The following ABCC12 variants were observed in gnomAD, a reference collection of about 807,000 sequenced individuals.
ABCC12 encodes ATP binding cassette subfamily C member 12.
Under a neutral mutation model 151.1 loss-of-function variants are expected in ABCC12, and 142 were observed. That is an observed-to-expected ratio of 0.94 (90% CI 0.82 to 1.08). The LOEUF is 1.08. ABCC12 is among the 50% of genes least tolerant of loss of function. The pLI is 0.00. For synonymous variants in ABCC12, 645 were observed against 646.4 expected (o/e 1.00, Z 0.03); for missense variants, 1,638 against 1,691.1 (o/e 0.97, Z 0.55).
At chr16:48,126,010 C>A (rs912055542) in intron 11 of ABCC12, among the ~76,000 whole-genome samples, 8 of 152,214 alleles carry the variant, frequency 5.3e-5, no homozygotes, top group African/African-American at 1.9e-4. Flanking sequence ...GAGCACCTGA[C>A]TTCCCCCATG....
chr16:48,140,690 G>A lies in ABCC12; in HGVS notation c.654C>T (p.Gly218=), dbSNP rs143562550. ...AAACTCCTCTGAGCCAGCTTACCTCGCCAACAGAGATGTGGGTCAATGTCT... is the reference window on the plus strand; with the variant it reads ...AAACTCCTCTGAGCCAGCTTACCTCACCAACAGAGATGTGGGTCAATGTCT... The part of the protein sequence containing the change: ...SFKTLTHISV[G]EVLNILSSDS... Residue 218 remains glycine, a synonymous_variant, in exon 6 of 31, where the codon GGC becomes GGT. Transcript: ENST00000311303. 3.8e-5 allele frequency: 61 copies of A among 1,613,618 alleles called. No homozygotes were observed. The highest frequency in any genetic ancestry group is 1.6e-4 in the African/African-American group (12 of 74,920).
At chr16:48,128,857 A>G (rs1292141923) in intron 10 of ABCC12, 120 bp from the exon 11 acceptor site, 1 of 1,127,094 alleles carries the variant, frequency 8.9e-7, no homozygotes, top group East Asian at 2.4e-5. Flanking sequence ...CACATCCAGG[A>G]AAGAGGTTCT....
At chr16:48,155,297 C>G (rs1319126804) in intron 1 of ABCC12, among the ~76,000 whole-genome samples, 1 of 151,116 alleles carries the variant, frequency 6.6e-6, no homozygotes, top group Non-Finnish European at 1.5e-5. Flanking sequence ...CACATTCCGA[C>G]ACGATCAAAG....
chr16:48,129,319 A>T (rs1964344665), intron 10 of ABCC12, among the ~76,000 whole-genome samples: 1 of 152,212 alleles, frequency 6.6e-6, no homozygotes, highest in South Asian at 2.1e-4. Context: ...CAGAGAAGGG[A>T]CACTTGGCTC....
At chr16:48,121,597 T>TCGCC in intron 13 of ABCC12, 119 bp downstream of exon 13, 2 of 1,322,672 alleles carry the variant, frequency 1.5e-6, no homozygotes, top group Admixed American at 4.3e-5. Flanking sequence ...CTGATGAATG[T>TCGCC]TTAATCAGAA....
Position 48,140,890 on chromosome 16 carries a change from T to A in ABCC12, c.454A>T (p.Thr152Ser). The change falls in exon 6 of 31, where the codon ACT (threonine) becomes TCT (serine). Residue 152 changes from threonine to serine, a missense_variant. Coordinates refer to ENST00000311303, the MANE Select transcript of ABCC12 (RefSeq NM_001393797.1). Reference sequence around the variant, plus strand: ...CAGACTTTCCCAGAGGTCCTCTCAGTCTGCTGGAGGATTTGGTGAATGAGA... The same window carrying A: ...CAGACTTTCCCAGAGGTCCTCTCAGACTGCTGGAGGATTTGGTGAATGAGA... ...TVLIHQILQQTERTSGKVWVG... is the reference protein window; with the variant it reads ...TVLIHQILQQSERTSGKVWVG... 2 of 1,614,012 alleles carry A rather than the reference T, an allele frequency of 1.2e-6. No individual in the cohort carries two copies. Among genetic ancestry groups the A allele is most frequent in the Non-Finnish European group, 8.5e-7 (1 of 1,179,994 alleles).
intron 24 of ABCC12, among the ~76,000 whole-genome samples, chr16:48,094,154 C>T (rs945504662): frequency 1.3e-5 from 2 of 152,146 alleles, no homozygotes; most frequent in Admixed American, 6.5e-5. Flanking sequence ...GGAAACTGTT[C>T]AACATCATCT....
chr16:48,088,551 C>G lies in ABCC12; in HGVS notation c.3469G>C (p.Gly1157Arg), dbSNP rs192266468. 15 of 1,613,666 alleles carry G rather than the reference C, an allele frequency of 9.3e-6. No individual in the cohort carries two copies. The African/African-American group carries it at 1.7e-4, about 19-fold the overall frequency. ...AAGCAGAGCTTGTCCTCACCGGAAC[C>G]TGTTCTTCCAACAATCCCGACTGTC... ...GQTVGIVGRTGSGKSSLGMAL... is the reference protein window; with the variant it reads ...GQTVGIVGRTRSGKSSLGMAL... Residue 1157 changes from glycine to arginine, a missense_variant, in exon 26 of 31, where the codon GGT (glycine) becomes CGT (arginine). Physicochemically the swap from Gly to Arg is moderately radical, Grantham distance 125 (BLOSUM62 -2). Transcript: ENST00000311303.
At position 48,133,835 on chromosome 16, in the gene ABCC12, T is replaced by C; in HGVS notation, c.980A>G (p.Asp327Gly). 6.2e-7 allele frequency: 1 copy of C among 1,614,178 alleles called. No individual in the cohort carries two copies. Among genetic ancestry groups the C allele is most frequent in the South Asian group, 1.1e-5 (1 of 91,080 alleles). Residue 327 changes from aspartate (D) to glycine (G), a missense_variant and splice_region_variant, in exon 9 of 31, where the codon GAT (aspartate) becomes GGT (glycine). Physicochemically the swap from Asp to Gly is moderately conservative, Grantham distance 94. Transcript: ENST00000311303. ...WEKSFTNTIQ[D>G]IRRRERKLLE... ...TAATTTTCTTTCCCTCCTTCTTATA[T>C]CTGCAAAATAGAACACAGTCCAAGG...
In ABCC12 at chr16:48,085,661, C is replaced by T. The variant is rs779929075; in HGVS notation, c.3760G>A (p.Gly1254Arg). The T allele has an allele frequency of 9.3e-6, 15 of 1,614,022 alleles. No homozygotes were observed. The highest frequency in any genetic ancestry group is 1.3e-5 in the Non-Finnish European group (15 of 1,180,036). Residue 1254 changes from glycine (G) to arginine (R), a missense_variant, in exon 29 of 31, where the codon GGA becomes AGA. Transcript: ENST00000311303. Reference sequence around the variant, plus strand: ...CGTTCCCCTACTGAGAAGTTTTCTCCATTTTCTGTGACTTCTGCCTGTAAT... The same window carrying T: ...CGTTCCCCTACTGAGAAGTTTTCTCTATTTTCTGTGACTTCTGCCTGTAAT... Reference protein sequence around the residue: ...EKLQAEVTENGENFSVGERQL... With the variant: ...EKLQAEVTENRENFSVGERQL...
chr16:48,140,912 G>A lies in ABCC12; in HGVS notation c.432C>T (p.Leu144=). ...CAGTCTGCTGGAGGATTTGGTGAAT[G>A]AGAACTGTCTGTAAAACAGCATGGT... The part of the protein sequence containing the change: ...IIMAAIGPTV[L]IHQILQQTER... The change falls in exon 6 of 31, where the codon CTC becomes CTT. Residue 144 remains leucine (L), a synonymous_variant. Transcript: ENST00000311303. The A allele has an allele frequency of 6.2e-7, 1 of 1,613,764 alleles. No individual in the cohort carries two copies. The highest frequency in any genetic ancestry group is 8.5e-7 in the Non-Finnish European group (1 of 1,179,880).
intron 23 of ABCC12, among the ~76,000 whole-genome samples, chr16:48,097,838 A>T (rs1963157139): frequency 6.6e-6 from 1 of 151,892 alleles, no homozygotes; most frequent in Non-Finnish European, 1.5e-5. Flanking sequence ...TGCTGGCAGA[A>T]CTCCTGGGGT....
intron 24 of ABCC12, 117 bp from the exon 25 acceptor site, chr16:48,091,326 C>A: frequency 1.1e-6 from 1 of 884,280 alleles, no homozygotes; most frequent in Non-Finnish European, 1.9e-6. Context: ...CGCAAGACAG[C>A]ACAAACAGGA....
At chr16:48,155,689 A>T (rs2042436793) in intron 1 of ABCC12, 152 bp downstream of exon 1, 1 of 152,212 alleles carries the variant, frequency 6.6e-6, no homozygotes, top group Non-Finnish European at 1.5e-5. Context: ...CCACTTGGGC[A>T]GCCCCATTCA....
rs568006481 is a variant in ABCC12 at position 48,121,488 on chromosome 16, C to T, written c.1712+228G>A. ...GCTCCTCTGCCCTGGGAATGAAGTG[C>T]CGATTCTATCCTCTTCCCAGTGTGC... On this transcript the variant is annotated intron_variant, in intron 13 of 30. Coordinates refer to ENST00000311303, the MANE Select transcript of ABCC12 (RefSeq NM_001393797.1). The T allele has an allele frequency of 2.7e-5, 13 of 479,968 alleles. 1 individual carries two copies. In the South Asian group the frequency reaches 2.7e-4, roughly 10 times the overall value. 29.7% of individuals were successfully genotyped at this position (479,968 alleles called of 1,614,324 possible).
At chr16:48,098,236 C>G (rs550301946) in intron 23 of ABCC12, among the ~76,000 whole-genome samples, 1 of 151,984 alleles carries the variant, frequency 6.6e-6, no homozygotes, top group African/African-American at 2.4e-5. Context: ...GACCATTAAC[C>G]AAAAGAGACA....
In ABCC12 at chr16:48,105,158, T is replaced by G. The variant is rs1963444164; in HGVS notation, c.2654A>C (p.His885Pro). The change falls in exon 21 of 31, where the codon CAT becomes CCT. Residue 885 changes from histidine (H) to proline (P), a missense_variant. Physicochemically the swap from His to Pro is moderately conservative, Grantham distance 77 (BLOSUM62 -2). Coordinates refer to ENST00000311303, the MANE Select transcript of ABCC12 (RefSeq NM_001393797.1). ...KTTLMASSSL[H>P]DTVFDKILKS... ...CCCTACCTTATCAAACACCGTGTCA[T>G]GCAGAGAGGAGGATGCCATCAGTGT... 6.2e-7 allele frequency: 1 copy of G among 1,614,030 alleles called. No homozygotes were observed. Among genetic ancestry groups the G allele is most frequent in the South Asian group, 1.1e-5 (1 of 91,082 alleles).
chr16:48,135,776 A>G (rs1369481543), intron 8 of ABCC12, among the ~76,000 whole-genome samples: 1 of 152,208 alleles, frequency 6.6e-6, no homozygotes, highest in Non-Finnish European at 1.5e-5. Context: ...TCCCAAGAAT[A>G]GACACAAAAA....
Position 48,088,642 on chromosome 16 carries a change from C to G in ABCC12, c.3378G>C (p.Gln1126His). 6.2e-7 allele frequency: 1 copy of G among 1,614,240 alleles called. No individual in the cohort carries two copies. The highest frequency in any genetic ancestry group is 1.1e-5 in the South Asian group (1 of 91,084). The change falls in exon 26 of 31, where the codon CAG becomes CAC. Residue 1126 changes from glutamine (Q) to histidine (H), a missense_variant. Coordinates refer to ENST00000311303, the MANE Select transcript of ABCC12 (RefSeq NM_001393797.1). ...GGGGGGTGTTGTCTCTGTATCTCAT[C>G]TGATAGTCTCTGAAGGTGATCTCCC... ...SRGEITFRDY[Q>H]MRYRDNTPLV...
Sources: allele counts gnomAD v4.1 joint callset (sites outside exome capture counted in the v4.1 genomes callset), GRCh38; gene constraint gnomAD v4.1.1; transcripts MANE v1.5; gene names NCBI Gene and HGNC (gene_info 2026-07-23, HGNC 2026-07-21).